The following RUFY2 variants were observed in gnomAD, a reference collection of about 807,000 sequenced individuals.
The protein encoded by RUFY2 is RUN and FYVE domain-containing protein 2.
RUFY2 carries 49 observed loss-of-function variants against 94.4 expected under a neutral mutation model. The observed-to-expected ratio is 0.52, with a 90% CI of 0.41 to 0.66. RUFY2 has a LOEUF of 0.66. Among genes scored for constraint, RUFY2 ranks in the 30% least tolerant of loss-of-function variants. The pLI is 0.00. For synonymous variants in RUFY2, 255 were observed against 235.7 expected (o/e 1.08, Z -0.75); for missense variants, 541 against 692.8 (o/e 0.78, Z 2.46).
rs1215626514 is a variant in RUFY2, at chr10:68,360,656, GAGA to G, written c.1550+2931_1550+2933del. Among the ~76,000 whole-genome samples the G allele has an allele frequency of 2.0e-5, 3 of 152,076 alleles. No homozygotes were observed. In the East Asian group the frequency reaches 5.8e-4, roughly 30 times the overall value. Reference sequence around the variant, plus strand: ...CCAGCTACTCAGGAGGCTGAGGCAGGAGAAGGACGTGAACCCGGCAGGCAGAGC... The same window carrying G: ...CCAGCTACTCAGGAGGCTGAGGCAGGAGGACGTGAACCCGGCAGGCAGAGC... On this transcript the variant is annotated intron_variant, in intron 15 of 17. Coordinates refer to ENST00000602465, the MANE Select transcript of RUFY2 (RefSeq NM_001330103.2).
chr10:68,378,347 C>T, intron 12 of RUFY2: 2 of 1,218,068 alleles, frequency 1.6e-6, no homozygotes. Flanking sequence ...CTCAAATCAC[C>T]CTTTGTGCAC....
intron 1 of RUFY2, 101 bp from the exon 2 acceptor site, chr10:68,404,945 G>A (rs2051152067): frequency 2.1e-6 from 2 of 946,138 alleles, no homozygotes; most frequent in Admixed American, 2.9e-5. Flanking sequence ...GTAGTTTGCT[G>A]TTCCTTGGTT....
intron 6 of RUFY2, 138 bp from the exon 7 acceptor site, chr10:68,393,341 T>C (rs145838896): frequency 7.5e-6 from 4 of 533,604 alleles, no homozygotes; most frequent in African/African-American, 3.9e-5. Flanking sequence ...ATAAGAATAA[T>C]AGTAAACTGT....
At chr10:68,391,327 A>AT (rs1418708938) in intron 7 of RUFY2, among the ~76,000 whole-genome samples, 1 of 151,794 alleles carries the variant, frequency 6.6e-6, no homozygotes, top group Non-Finnish European at 1.5e-5. Flanking sequence ...TTTTTTTTAC[A>AT]TTTTTATTAT....
chr10:68,391,299 T>A (rs951082641), intron 7 of RUFY2, among the ~76,000 whole-genome samples: 12 of 152,186 alleles, frequency 7.9e-5, no homozygotes, highest in African/African-American at 2.4e-4. Flanking sequence ...AAATAAAATA[T>A]ATTTTTAATT....
chr10:68,403,016 T>C (rs1207428410), intron 2 of RUFY2, among the ~76,000 whole-genome samples: 1 of 150,524 alleles, frequency 6.6e-6, no homozygotes, highest in African/African-American at 2.4e-5. Context: ...CAGCTAATTT[T>C]TGTATTTTTA....
downstream of RUFY2, chr10:68,341,631 CTCTGGCATGGGAGGT>C (rs2045951515): frequency 6.2e-7 from 1 of 1,613,670 alleles, no homozygotes; most frequent in South Asian, 1.1e-5. Flanking sequence ...CTGGAGGCGG[CTCTGGCATGGGAGGT>C]TCTGGAATGG....
intron 1 of RUFY2, 124 bp from the exon 2 acceptor site, chr10:68,404,968 C>T (rs1216131133): frequency 2.8e-6 from 2 of 720,672 alleles, no homozygotes; most frequent in Non-Finnish European, 4.4e-6. Context: ...CAAATTCTCC[C>T]CAGCTAAACC....
chr10:68,386,213 G>A (rs2049484281), intron 7 of RUFY2, 85 bp from the exon 8 acceptor site: 2 of 1,094,032 alleles, frequency 1.8e-6, no homozygotes, highest in Admixed American at 2.2e-5. Context: ...GATTTACTAT[G>A]TTTACTGACA....
intron 8 of RUFY2, among the ~76,000 whole-genome samples, chr10:68,385,614 T>G (rs2049437380): frequency 6.6e-6 from 1 of 152,156 alleles, no homozygotes; most frequent in Non-Finnish European, 1.5e-5. Flanking sequence ...TATTTTTTTT[T>G]GTATTATACT....
chr10:68,354,660 G>A lies in RUFY2; in HGVS notation c.1599+693C>T, dbSNP rs147201430. 1.2e-3 allele frequency among the ~76,000 whole-genome samples: 177 copies of A among 152,182 alleles called. 3 individuals are homozygous for A. The highest frequency in any genetic ancestry group is 7.3e-3 in the South Asian group (35 of 4,822). ...TACTCAATATTCAGAGCAACCCTAC[G>A]CAGAATCATCAGCCTATTTCAGAGA... is the stretch of plus-strand genomic sequence containing the variant. On this transcript the variant is annotated intron_variant, in intron 16 of 17. Transcript: ENST00000602465.
chr10:68,345,692 G>T lies in RUFY2; in HGVS notation c.*76C>A. 7.2e-7 allele frequency: 1 copy of T among 1,383,198 alleles called. No individual in the cohort carries two copies. Among genetic ancestry groups the T allele is most frequent in the Non-Finnish European group, 1.0e-6 (1 of 1,002,442 alleles). 85.7% of individuals were successfully genotyped at this position (1,383,198 alleles called of 1,614,324 possible). ...GACCGAAAGCCGCTTAAGGAGAGCT[G>T]TCTGGTTACCTTTGTATACAACATC... On this transcript the variant is annotated 3_prime_UTR_variant, in exon 18 of 18. Transcript: ENST00000602465.
rs1389852550 is a variant in RUFY2, at chr10:68,407,054, C to T, written c.4+132G>A. On this transcript the variant is annotated intron_variant, in intron 1 of 17. Transcript: ENST00000602465. The stretch of plus-strand genomic sequence containing the variant: ...CCCCGAGTCCCAGGCAGTCCCCGCC[C>T]ATCCTGGGTTCGGGCCCCAGTTCCG... The T allele has an allele frequency of 3.4e-6, 5 of 1,472,926 alleles. No individual in the cohort carries two copies. In the Admixed American group the frequency reaches 7.4e-5, roughly 22 times the overall value. 91.2% of individuals were successfully genotyped at this position (1,472,926 alleles called of 1,614,324 possible).
chr10:68,341,158 GT>G (rs780934998), downstream of RUFY2: 2 of 1,516,482 alleles, frequency 1.3e-6, no homozygotes, highest in Admixed American at 2.4e-5. Context: ...GTAAATAAGT[GT>G]TTCCTTTTAT....
intron 13 of RUFY2, among the ~76,000 whole-genome samples, chr10:68,367,708 C>A (rs1012589312): frequency 1.5e-5 from 2 of 137,818 alleles, no homozygotes; most frequent in South Asian, 2.1e-4. Flanking sequence ...TTCTTTCTTT[C>A]TCTATCTCTC....
intron 16 of RUFY2, 140 bp downstream of exon 16, chr10:68,355,213 C>G (rs1173577407): frequency 1.7e-6 from 1 of 580,438 alleles, no homozygotes. Flanking sequence ...AAGAGCTGAA[C>G]CCCCAGCATC....
intron 13 of RUFY2, among the ~76,000 whole-genome samples, chr10:68,371,066 A>G (rs2048236050): frequency 6.8e-6 from 1 of 148,074 alleles, no homozygotes; most frequent in Non-Finnish European, 1.5e-5. Flanking sequence ...CAGGAGGCGG[A>G]GCTTGCAGTG....
intron 13 of RUFY2, among the ~76,000 whole-genome samples, chr10:68,366,703 T>C (rs1223283531): frequency 1.4e-5 from 2 of 142,292 alleles, no homozygotes; most frequent in African/African-American, 2.6e-5. Context: ...AATCGCACCA[T>C]TGCACTCCAG....
At chr10:68,384,202 T>C (rs1455992990) in intron 8 of RUFY2, 50 bp from the exon 9 acceptor site, 3 of 1,540,782 alleles carry the variant, frequency 1.9e-6, no homozygotes, top group South Asian at 1.2e-5. Context: ...ACCCTTATAC[T>C]TGCTTTGCAG....
Sources: gnomAD v4.1 joint callset for allele counts (sites outside exome capture counted in the v4.1 genomes callset) on GRCh38, gnomAD v4.1.1 for gene constraint, MANE v1.5 for transcripts, NCBI Gene and HGNC (gene_info 2026-07-23, HGNC 2026-07-21) for gene names.